Variants in PARP8 observed in about 807,000 individuals in gnomAD.
PARP8 encodes poly(ADP-ribose) polymerase family member 8.
In PARP8, 51 loss-of-function variants were observed where a neutral mutation model predicts 124.1. The ratio of observed to expected loss-of-function variants is 0.41; its 90% confidence interval spans 0.33 to 0.52. The LOEUF (loss-of-function observed/expected upper bound fraction) is 0.52. Among genes scored for constraint, PARP8 ranks in the 20% least tolerant of loss-of-function variants. PARP8 has a pLI of 0.21. For synonymous variants in PARP8, 391 were observed against 361.5 expected (o/e 1.08, Z -0.93); for missense variants, 860 against 1,018.9 (o/e 0.84, Z 2.12).
intron 14 of PARP8, among the ~76,000 whole-genome samples, chr5:50,800,371 C>A (rs1743064725): frequency 6.6e-6 from 1 of 152,166 alleles, no homozygotes; most frequent in South Asian, 2.1e-4. Flanking sequence ...ATGTCTCTTG[C>A]AAATAGAGTT....
At chr5:50,727,217 T>G (rs938760317) in intron 2 of PARP8, among the ~76,000 whole-genome samples, 31 of 152,282 alleles carry the variant, frequency 2.0e-4, no homozygotes, top group South Asian at 2.1e-4. Context: ...CTTCTTTAGA[T>G]GAACATTTGA....
Position 50,668,056 on chromosome 5 carries a change from G to C in PARP8, c.92-15G>C. 2.5e-6 allele frequency: 4 copies of C among 1,612,056 alleles called. No individual in the cohort carries two copies. Among genetic ancestry groups the C allele is most frequent in the African/African-American group, 1.3e-5 (1 of 74,980 alleles). ...CCACTCCAGGGGTAGCTTTTGACGG[G>C]ACTTTCTGTTTCAGATTTCAGATAC... On this transcript the variant is annotated splice_polypyrimidine_tract_variant and intron_variant, in intron 1 of 25. Transcript: ENST00000281631.
At position 50,699,248 on chromosome 5, in the gene PARP8, A is replaced by G. The variant is rs115233114; in HGVS notation, c.146+31123A>G. On this transcript the variant is annotated intron_variant, in intron 2 of 25. Transcript: ENST00000281631. ...GACTGCCCAAGTGAATGGAAAATTG[A>G]GAAGGGCCTCCAGCACTGGAGTATG... Among the ~76,000 whole-genome samples the G allele has an allele frequency of 2.5e-3, 386 of 152,286 alleles. 4 individuals carry two copies. Among genetic ancestry groups the G allele is most frequent in the African/African-American group, 8.9e-3 (370 of 41,558 alleles).
chr5:50,831,814 G>T (rs905169422), intron 22 of PARP8, among the ~76,000 whole-genome samples: 5 of 152,098 alleles, frequency 3.3e-5, no homozygotes, highest in Admixed American at 2.6e-4. Flanking sequence ...TTTCTGGAGA[G>T]GGAGCACTTA....
At chr5:50,841,442 A>AT (rs1748166481) in intron 25 of PARP8, among the ~76,000 whole-genome samples, 2 of 151,834 alleles carry the variant, frequency 1.3e-5, no homozygotes, top group African/African-American at 2.4e-5. Context: ...AATATGTTAC[A>AT]GTCAGACTAA....
intron 2 of PARP8, among the ~76,000 whole-genome samples, chr5:50,686,885 TAG>T (rs926431528): frequency 1.3e-5 from 2 of 152,142 alleles, no homozygotes; most frequent in African/African-American, 4.8e-5. Context: ...ACCCTGGGCC[TAG>T]ACCATGAAAC....
intron 10 of PARP8, among the ~76,000 whole-genome samples, chr5:50,792,624 G>A (rs1369387591): frequency 6.6e-6 from 1 of 151,816 alleles, no homozygotes; most frequent in East Asian, 1.9e-4. Flanking sequence ...TTTCAAATTA[G>A]GTACAGGGAG....
At chr5:50,688,716 A>C (rs1217835651) in intron 2 of PARP8, among the ~76,000 whole-genome samples, 2 of 152,234 alleles carry the variant, frequency 1.3e-5, no homozygotes, top group Non-Finnish European at 2.9e-5. Flanking sequence ...AAACCTAGAA[A>C]GTAAGTCTAG....
chr5:50,827,994 A>G lies in PARP8; in HGVS notation c.2028A>G (p.Pro676=), dbSNP rs151264054. 147 of 1,613,812 alleles carry G rather than the reference A, an allele frequency of 9.1e-5. No individual in the cohort carries two copies. Among genetic ancestry groups the G allele is most frequent in the Non-Finnish European group, 2.1e-5 (25 of 1,179,880 alleles). The change falls in exon 20 of 26, where the codon CCA becomes CCG. Residue 676 remains proline (P), a synonymous_variant. Transcript: ENST00000281631. ...TPHQFLLLSS[P]PAKESNFRAA... ...ATCAGTTCCTTCTTCTCAGCAGTCC[A>G]CCAGCCAAAGAATCCAATTTTAGAG... is the stretch of plus-strand genomic sequence containing the variant.
At chr5:50,752,674 A>G (rs879454990) in intron 3 of PARP8, among the ~76,000 whole-genome samples, 9 of 152,048 alleles carry the variant, frequency 5.9e-5, no homozygotes, top group African/African-American at 2.2e-4. Context: ...TTAATGTTGC[A>G]TTCAATTTCT....
chr5:50,813,112 T>G (rs1414955451), intron 14 of PARP8, among the ~76,000 whole-genome samples: 1 of 152,216 alleles, frequency 6.6e-6, no homozygotes, highest in Non-Finnish European at 1.5e-5. Flanking sequence ...TAAAGTAGTT[T>G]TTTCCAATTC....
At chr5:50,809,256 A>G (rs192082924) in intron 14 of PARP8, among the ~76,000 whole-genome samples, 2 of 152,180 alleles carry the variant, frequency 1.3e-5, no homozygotes, top group Non-Finnish European at 2.9e-5. Flanking sequence ...CATTGACTAT[A>G]AAACTGTAAA....
At chr5:50,754,172 CACACACACAT>C (rs750122911) in intron 3 of PARP8, among the ~76,000 whole-genome samples, 4,742 of 38,536 alleles carry the variant, frequency 0.12, 310 homozygotes, top group East Asian at 0.3. Context: ...CACACACACA[CACACACACAT>C]ATATATATAT....
chr5:50,733,435 T>C (rs1168931889), intron 2 of PARP8, among the ~76,000 whole-genome samples: 1 of 152,246 alleles, frequency 6.6e-6, no homozygotes, highest in East Asian at 1.9e-4. Context: ...CTTTTTTCTC[T>C]TAAAAAATCT....
chr5:50,837,870 TA>T (rs1747756096), intron 25 of PARP8, among the ~76,000 whole-genome samples: 1 of 151,938 alleles, frequency 6.6e-6, no homozygotes, highest in African/African-American at 2.4e-5. Context: ...CTTAATTAAA[TA>T]TAAGTGCTCC....
intron 2 of PARP8, chr5:50,745,181 G>A (rs1465330774): frequency 2.4e-5 from 4 of 165,636 alleles, no homozygotes; most frequent in South Asian, 1.7e-4. Context: ...AATTAGGTAC[G>A]TTCACGAACA....
chr5:50,811,652 C>T (rs1266212960), intron 14 of PARP8, among the ~76,000 whole-genome samples: 1 of 151,804 alleles, frequency 6.6e-6, no homozygotes, highest in Non-Finnish European at 1.5e-5. Flanking sequence ...AGGTTTGTTA[C>T]CTATGTATAC....
intron 2 of PARP8, among the ~76,000 whole-genome samples, chr5:50,676,118 A>G (rs764503333): frequency 2.2e-4 from 34 of 152,208 alleles, no homozygotes; most frequent in Non-Finnish European, 8.8e-5. Context: ...GATGTGAGTG[A>G]AGTATTTGGG....
At chr5:50,751,940 T>C (rs1194244058) in intron 3 of PARP8, among the ~76,000 whole-genome samples, 2 of 152,138 alleles carry the variant, frequency 1.3e-5, no homozygotes, top group Admixed American at 1.3e-4. Context: ...GACATCTTGT[T>C]TTATAACTTA....
Sources: gnomAD v4.1 joint callset for allele counts (sites outside exome capture counted in the v4.1 genomes callset) on GRCh38, gnomAD v4.1.1 for gene constraint, MANE v1.5 for transcripts, NCBI Gene and HGNC (gene_info 2026-07-23, HGNC 2026-07-21) for gene names.